DCAF8L2: variants seen among roughly 807,000 people sequenced by gnomAD.
DCAF8L2 encodes DDB1 and CUL4 associated factor 8 like 2.
For missense variants in DCAF8L2, 430 were observed against 490.7 expected, an observed-to-expected ratio of 0.88 and a Z score of 1.17; for synonymous variants, 200 against 190.9, an observed-to-expected ratio of 1.05 and a Z score of -0.39.
intron 4 of DCAF8L2, among the ~76,000 whole-genome samples, chrX:27,729,280 A>G (rs1049784536): frequency 9.0e-6 from 1 of 111,383 alleles, no homozygotes; most frequent in Admixed American, 9.6e-5. Context: ...CAATCCACTC[A>G]TTTTAATTGT....
intron 1 of DCAF8L2, among the ~76,000 whole-genome samples, chrX:27,616,616 A>C (rs767261840): frequency 9.0e-6 from 1 of 111,622 alleles, no homozygotes; most frequent in Non-Finnish European, 1.9e-5. Flanking sequence ...CAATGTCATT[A>C]GTTTTTCTTT....
At chrX:27,740,088 G>T (rs1365618620) in intron 4 of DCAF8L2, among the ~76,000 whole-genome samples, 2 of 111,143 alleles carry the variant, frequency 1.8e-5, no homozygotes, top group Non-Finnish European at 3.8e-5. Context: ...ATGTCTTCCT[G>T]TTCGTAATAG....
intron 3 of DCAF8L2, among the ~76,000 whole-genome samples, chrX:27,707,951 C>A (rs1296563983): frequency 9.0e-6 from 1 of 111,280 alleles, no homozygotes; most frequent in African/African-American, 3.3e-5. Flanking sequence ...ATTTCAAAAT[C>A]TTTTAGTATG....
At chrX:27,541,238 T>C in the DCAF8L2 span, among the ~76,000 whole-genome samples, 4 of 112,105 alleles carry the variant, frequency 3.6e-5, no homozygotes, top group Admixed American at 1.9e-4. Context: ...AGAAATATGA[T>C]CTGACAAAAA....
the DCAF8L2 span, among the ~76,000 whole-genome samples, chrX:27,472,412 G>T: frequency 9.0e-6 from 1 of 111,569 alleles, no homozygotes; most frequent in Admixed American, 9.5e-5. Context: ...TAAGTTCTGG[G>T]ATACATGTGC....
intron 2 of DCAF8L2, among the ~76,000 whole-genome samples, chrX:27,655,791 C>G (rs1457882945): frequency 9.0e-6 from 1 of 111,186 alleles, no homozygotes; most frequent in Non-Finnish European, 1.9e-5. Context: ...TAAGCAGTAC[C>G]CACCCTAGAA....
At chrX:27,615,378 C>A (rs771783974) in intron 1 of DCAF8L2, among the ~76,000 whole-genome samples, 6 of 111,100 alleles carry the variant, frequency 5.4e-5, no homozygotes, top group African/African-American at 9.8e-5. Context: ...TAATTATAAT[C>A]AATAAATTTT....
the DCAF8L2 span, among the ~76,000 whole-genome samples, chrX:27,569,873 G>C: frequency 1.8e-5 from 2 of 111,412 alleles, no homozygotes; most frequent in African/African-American, 3.3e-5. Context: ...TTTGTTAAAT[G>C]TGTTATGTAT....
At chrX:27,663,477 T>C (rs1929627422) in intron 2 of DCAF8L2, among the ~76,000 whole-genome samples, 1 of 111,408 alleles carries the variant, frequency 9.0e-6, no homozygotes, top group African/African-American at 3.3e-5. Context: ...GTATCTGTTG[T>C]GGTGATCTGC....
chrX:27,571,211 T>G, the DCAF8L2 span, among the ~76,000 whole-genome samples: 1 of 111,958 alleles, frequency 8.9e-6, no homozygotes, highest in South Asian at 3.8e-4. Flanking sequence ...TTCCTATCCT[T>G]TAATCTATTC....
chrX:27,514,627 C>A, the DCAF8L2 span, among the ~76,000 whole-genome samples: 1 of 87,271 alleles, frequency 1.1e-5, no homozygotes, highest in African/African-American at 4.5e-5. Context: ...CGAGATCCCG[C>A]CACTGCACTC....
chrX:27,598,769 T>C lies in DCAF8L2; in HGVS notation c.-342+8329T>C, dbSNP rs923184638. On this transcript the variant is annotated intron_variant, in intron 1 of 4. Coordinates refer to ENST00000451261, the MANE Select transcript of DCAF8L2 (RefSeq NM_001353450.2). Reference sequence around the variant, plus strand: ...AGGTTCTCCTTAACTCTGCTCGGTATCTCCCATCTCTGATTTATCCTGCAA... The same window carrying C: ...AGGTTCTCCTTAACTCTGCTCGGTACCTCCCATCTCTGATTTATCCTGCAA... 2.7e-5 allele frequency among the ~76,000 whole-genome samples: 3 copies of C among 110,117 alleles called. No homozygotes were observed. The Admixed American group carries it at 3.0e-4, about 11-fold the overall frequency.
intron 2 of DCAF8L2, among the ~76,000 whole-genome samples, chrX:27,645,614 G>A (rs1251547231): frequency 1.8e-5 from 2 of 111,886 alleles, no homozygotes; most frequent in Non-Finnish European, 3.8e-5. Context: ...TAAAGGAAGA[G>A]AGGAAATCAA....
At chrX:27,605,653 A>G (rs1418967391) in intron 1 of DCAF8L2, among the ~76,000 whole-genome samples, 1 of 111,833 alleles carries the variant, frequency 8.9e-6, no homozygotes, top group Admixed American at 9.6e-5. Context: ...CACAGGCATT[A>G]GAAAAGGGTT....
At chrX:27,488,562 TGC>T in the DCAF8L2 span, among the ~76,000 whole-genome samples, 11,017 of 50,838 alleles carry the variant, frequency 0.22, 500 homozygotes, top group African/African-American at 0.38. Context: ...TGTGTGTGTG[TGC>T]GCTTTCATAT....
chrX:27,478,329 AG>A, the DCAF8L2 span, among the ~76,000 whole-genome samples: 2 of 112,273 alleles, frequency 1.8e-5, no homozygotes, highest in Non-Finnish European at 3.8e-5. Context: ...TATACATAAA[AG>A]GTGCTTTTTA....
chrX:27,611,946 G>C (rs1927205243), intron 1 of DCAF8L2, among the ~76,000 whole-genome samples: 1 of 111,433 alleles, frequency 9.0e-6, no homozygotes, highest in African/African-American at 3.3e-5. Context: ...ATAAGCCTTT[G>C]GGTATATAGC....
intron 2 of DCAF8L2, among the ~76,000 whole-genome samples, chrX:27,653,705 T>C (rs149734889): frequency 0.015 from 1,378 of 93,882 alleles, 23 homozygotes; most frequent in African/African-American, 0.053. Context: ...GGGCATGCAG[T>C]GATAACACAC....
chrX:27,471,852 G>A, the DCAF8L2 span, among the ~76,000 whole-genome samples: 840 of 111,677 alleles, frequency 7.5e-3, 12 homozygotes, highest in African/African-American at 0.026. Context: ...TATTATGAAT[G>A]AATGCATCAA....
Sources: allele counts gnomAD v4.1 joint callset (sites outside exome capture counted in the v4.1 genomes callset), GRCh38; gene constraint gnomAD v4.1.1; transcripts MANE v1.5; gene names NCBI Gene and HGNC (gene_info 2026-07-23, HGNC 2026-07-21).